LRP1B: variants seen among roughly 807,000 people sequenced by gnomAD.
LRP1B encodes LDL receptor related protein 1B.
In LRP1B, 217 loss-of-function variants were observed where a neutral mutation model predicts 556.6. The observed-to-expected ratio is 0.39, with a 90% CI of 0.35 to 0.44. The LOEUF is 0.44. Ranked by LOEUF, LRP1B falls within the 20% of genes least tolerant of loss-of-function variation. The pLI is 1.00. For missense variants in LRP1B, 5,053 were observed against 5,620.8 expected (o/e 0.90, Z 3.23); for synonymous variants, 2,047 against 1,865.8 (o/e 1.10, Z -2.50).
chr2:140,315,849 G>T (rs924905620), intron 82 of LRP1B, among the ~76,000 whole-genome samples: 1 of 152,072 alleles, frequency 6.6e-6, no homozygotes, highest in Non-Finnish European at 1.5e-5. Context: ...CTTTGATGTT[G>T]GTCCTTATTA....
At position 141,670,510 on chromosome 2, in the gene LRP1B, T is replaced by C. The variant is rs144650966; in HGVS notation, c.205+139769A>G. Among the ~76,000 whole-genome samples the C allele has an allele frequency of 8.4e-3, 1,273 of 152,224 alleles. 17 individuals are homozygous for C. The highest frequency in any genetic ancestry group is 0.021 in the African/African-American group (852 of 41,538). ...TTGACTTAGGCTATGGGCAAGGGGA[T>C]GACTGTAGGGGTTTGAGGAGGGCCA... On this transcript the variant is annotated intron_variant, in intron 2 of 90. Coordinates refer to ENST00000389484, the MANE Select transcript of LRP1B (RefSeq NM_018557.3).
At chr2:141,841,175 A>G (rs911929921) in intron 1 of LRP1B, among the ~76,000 whole-genome samples, 1 of 152,198 alleles carries the variant, frequency 6.6e-6, no homozygotes, top group African/African-American at 2.4e-5. Flanking sequence ...ATAAGTAATG[A>G]TGTAATTGCA....
chr2:140,284,295 C>G (rs1299787801), intron 84 of LRP1B, among the ~76,000 whole-genome samples: 2 of 111,540 alleles, frequency 1.8e-5, no homozygotes, highest in African/African-American at 7.0e-5. Flanking sequence ...ACATGGCTTC[C>G]CCCCCTCCCC....
At chr2:141,123,268 A>AAAAAAAAAAAAAAAAAAAAAAAG (rs1558876282) in intron 7 of LRP1B, among the ~76,000 whole-genome samples, 1 of 147,138 alleles carries the variant, frequency 6.8e-6, no homozygotes, top group Non-Finnish European at 1.5e-5. Flanking sequence ...ATAAATAAAA[A>AAAAAAAAAAAAAAAAAAAAAAAG]AAAGAAAGTA....
chr2:141,472,303 T>C (rs1288836186), intron 3 of LRP1B, among the ~76,000 whole-genome samples: 1 of 152,174 alleles, frequency 6.6e-6, no homozygotes, highest in Non-Finnish European at 1.5e-5. Flanking sequence ...CCTAGCACTT[T>C]GGGAGGCCAA....
At chr2:141,078,787 C>G (rs1446617034) in intron 7 of LRP1B, among the ~76,000 whole-genome samples, 1 of 152,134 alleles carries the variant, frequency 6.6e-6, no homozygotes, top group Non-Finnish European at 1.5e-5. Flanking sequence ...TAAACAAAGA[C>G]TGCAAACAAT....
rs576060780 is a variant in LRP1B, at chr2:140,833,553, T to C, written c.5209+6438A>G. Among the ~76,000 whole-genome samples the C allele has an allele frequency of 2.0e-5, 3 of 152,356 alleles. No homozygotes were observed. The South Asian group carries it at 6.2e-4, about 32-fold the overall frequency. On this transcript the variant is annotated intron_variant, in intron 31 of 90. Transcript: ENST00000389484. ...TTTATTTAGAAATTTATTAATGTTT[T>C]TGTTGCCAGATACATGCTCTAGAAA... is the stretch of plus-strand genomic sequence containing the variant.
chr2:141,721,205 GT>G (rs1692798609), intron 2 of LRP1B, among the ~76,000 whole-genome samples: 1 of 152,096 alleles, frequency 6.6e-6, no homozygotes, highest in African/African-American at 2.4e-5. Flanking sequence ...TCTATATCAT[GT>G]TCCTTTATTT....
intron 41 of LRP1B, among the ~76,000 whole-genome samples, chr2:140,638,540 T>C (rs1371363932): frequency 6.6e-6 from 1 of 152,176 alleles, no homozygotes; most frequent in Non-Finnish European, 1.5e-5. Context: ...CAACTAACTC[T>C]ATACTTCAAA....
chr2:140,537,061 C>T (rs1371236333), intron 45 of LRP1B, among the ~76,000 whole-genome samples: 1 of 150,944 alleles, frequency 6.6e-6, no homozygotes, highest in Non-Finnish European at 1.5e-5. Context: ...GTCCCAGCTA[C>T]TTGGGAGGTT....
chr2:140,660,314 A>G (rs1021618150), intron 41 of LRP1B, among the ~76,000 whole-genome samples: 24 of 151,884 alleles, frequency 1.6e-4, no homozygotes, highest in African/African-American at 5.1e-4. Context: ...CAGTATTTTT[A>G]TATGTCAATT....
At chr2:140,483,754 C>T (rs1256157961) in intron 59 of LRP1B, among the ~76,000 whole-genome samples, 2 of 149,970 alleles carry the variant, frequency 1.3e-5, no homozygotes. Context: ...AATTCTCATG[C>T]CTCAGTCTCC....
At chr2:140,419,404 C>T (rs1685339055) in intron 66 of LRP1B, among the ~76,000 whole-genome samples, 1 of 152,072 alleles carries the variant, frequency 6.6e-6, no homozygotes, top group Admixed American at 6.5e-5. Context: ...TACACATACA[C>T]AAAAATTCAT....
chr2:140,291,399 G>A lies in LRP1B; in HGVS notation c.12967+6409C>T, dbSNP rs545860071. ...ATATGTATACATGTGTCGTGTTGGT[G>A]TGCTGCACCCATTAACTCGTCATTT... On this transcript the variant is annotated intron_variant, in intron 84 of 90. Coordinates refer to ENST00000389484, the MANE Select transcript of LRP1B (RefSeq NM_018557.3). Among the ~76,000 whole-genome samples, 4 of 148,590 alleles carry A rather than the reference G, an allele frequency of 2.7e-5. No homozygotes were observed. The South Asian group carries it at 8.6e-4, about 32-fold the overall frequency.
At chr2:141,895,062 A>AAGAAAG (rs1553481383) in intron 1 of LRP1B, among the ~76,000 whole-genome samples, 3 of 150,686 alleles carry the variant, frequency 2.0e-5, no homozygotes, top group Non-Finnish European at 4.4e-5. Flanking sequence ...AAAAAAAAAA[A>AAGAAAG]AAAAGAAAAG....
intron 3 of LRP1B, among the ~76,000 whole-genome samples, chr2:141,369,773 T>C (rs1212214377): frequency 6.6e-6 from 1 of 152,190 alleles, no homozygotes; most frequent in East Asian, 1.9e-4. Flanking sequence ...GCAATGCACA[T>C]TGTACCCCCG....
intron 2 of LRP1B, among the ~76,000 whole-genome samples, chr2:141,543,538 A>AG (rs57066878): frequency 1.3e-5 from 2 of 149,694 alleles, no homozygotes; most frequent in Non-Finnish European, 3.0e-5. Flanking sequence ...AAAAAAAAAA[A>AG]GTTACACCAT....
In LRP1B at chr2:141,914,765, C is replaced by T. The variant is rs181952754; in HGVS notation, c.83-104364G>A. On this transcript the variant is annotated intron_variant, in intron 1 of 90. Transcript: ENST00000389484. Reference sequence around the variant, plus strand: ...AAATACATTCTCCCCCATCTCCCACCGCACACACCTAGGAATACATCTAAC... The same window carrying T: ...AAATACATTCTCCCCCATCTCCCACTGCACACACCTAGGAATACATCTAAC... 3.9e-4 allele frequency among the ~76,000 whole-genome samples: 59 copies of T among 152,052 alleles called. 1 individual carries two copies. Among genetic ancestry groups the T allele is most frequent in the Non-Finnish European group, 5.3e-4 (36 of 67,924 alleles).
chr2:141,463,653 TA>T (rs1449768421), intron 3 of LRP1B, among the ~76,000 whole-genome samples: 3 of 136,648 alleles, frequency 2.2e-5, no homozygotes, highest in Non-Finnish European at 4.6e-5. Flanking sequence ...ATATTATATA[TA>T]ATTATATATA....
Sources: allele counts gnomAD v4.1 joint callset (sites outside exome capture counted in the v4.1 genomes callset), GRCh38; gene constraint gnomAD v4.1.1; transcripts MANE v1.5; gene names NCBI Gene and HGNC (gene_info 2026-07-23, HGNC 2026-07-21).